SVBP: variants seen among roughly 807,000 people sequenced by gnomAD.
SVBP encodes small vasohibin binding protein, also known as small vasohibin-binding protein.
SVBP carries 9 observed loss-of-function variants against 9.2 expected under a neutral mutation model. That is an observed-to-expected ratio of 0.98 (90% CI 0.59 to 1.71). SVBP has a LOEUF of 1.71. Ranked by LOEUF, SVBP falls within the 40% of genes most tolerant of loss-of-function variation. The probability of loss-of-function intolerance (pLI) is 0.00; values close to 1 mark genes in which losing one functional copy is unlikely to be tolerated. For missense variants in SVBP, 63 were observed against 73.2 expected, an observed-to-expected ratio of 0.86 and a Z score of 0.51; for synonymous variants, 27 against 23.9, an observed-to-expected ratio of 1.13 and a Z score of -0.37.
intron 2 of SVBP, chr1:42,809,273 A>G (rs1037230041): frequency 3.3e-5 from 5 of 152,334 alleles, no homozygotes; most frequent in Admixed American, 2.6e-4. Context: ...TAGAGGAGCT[A>G]TAACTTGATT....
In SVBP at chr1:42,816,758, C is replaced by G. The variant is rs1199035157; in HGVS notation, c.-36-178G>C. Reference sequence around the variant, plus strand: ...ACCGAGTCCCAAGGCCACAACCTCGCTGGGTGTCCCTGGGCAAGTCTCCTC... The same window carrying G: ...ACCGAGTCCCAAGGCCACAACCTCGGTGGGTGTCCCTGGGCAAGTCTCCTC... On this transcript the variant is annotated intron_variant, in intron 1 of 2. Transcript: ENST00000372521. 8 of 516,222 alleles carry G rather than the reference C, an allele frequency of 1.5e-5. No homozygotes were observed. The East Asian group carries it at 2.4e-4, about 16-fold the overall frequency. The allele number at this position is 516,222 out of a possible 1,614,324, so 32.0% of individuals were successfully genotyped here. A position where few individuals can be genotyped will look rare whatever the true frequency, so the allele number is the denominator to read the frequency against.
Position 42,817,374 on chromosome 1 carries a change from G to A in SVBP, c.-221C>T, listed in dbSNP as rs920272276. ...GCCGAGCGCCAGGAGGCTTCCGCCC[G>A]CAGGAGCGGCCGCGCGTGCGCAGAG... On this transcript the variant is annotated 5_prime_UTR_variant, in exon 1 of 3. Coordinates refer to ENST00000372521, the MANE Select transcript of SVBP (RefSeq NM_199342.4). 1.2e-5 allele frequency: 7 copies of A among 560,450 alleles called. No individual in the cohort carries two copies. The highest frequency in any genetic ancestry group is 6.3e-5 in the Admixed American group (1 of 15,996). 34.7% of individuals were successfully genotyped at this position (560,450 alleles called of 1,614,324 possible).
At chr1:42,810,099 CACACACACACACACACATACATACAT>C (rs1441951921) in intron 2 of SVBP, among the ~76,000 whole-genome samples, 28 of 139,628 alleles carry the variant, frequency 2.0e-4, no homozygotes, top group Admixed American at 7.6e-4. Flanking sequence ...ACTTTTAACA[CACACACACACACACACATACATACAT>C]ACACACACAC....
rs756747970 is a variant in SVBP, at chr1:42,816,423, AAT to A, written c.114+6_114+7del. The A allele has an allele frequency of 6.3e-7, 1 of 1,586,492 alleles. No homozygotes were observed. The highest frequency in any genetic ancestry group is 1.7e-5 in the Admixed American group (1 of 59,914). On this transcript the variant is annotated splice_donor_region_variant and intron_variant, in intron 2 of 2. Transcript: ENST00000372521. The stretch of plus-strand genomic sequence containing the variant: ...TACAGGCATACAGAGCCTCCGCCTT[AAT>A]CTCACCTCTGCTCTTTGTCTCTGCT...
intron 2 of SVBP, among the ~76,000 whole-genome samples, chr1:42,810,095 AACACAC>A (rs35552772): frequency 1.5e-4 from 22 of 143,912 alleles, no homozygotes; most frequent in East Asian, 4.0e-4. Context: ...ATATACTTTT[AACACAC>A]ACACACACAC....
At position 42,817,344 on chromosome 1, in the gene SVBP, G is replaced by C. The variant is rs576779591; in HGVS notation, c.-191C>G. 4.9e-3 allele frequency: 4,245 copies of C among 857,662 alleles called. 16 individuals carry two copies. The highest frequency in any genetic ancestry group is 0.011 in the Middle Eastern group (32 of 2,970). 53.1% of individuals were successfully genotyped at this position (857,662 alleles called of 1,614,324 possible). A position where few individuals can be genotyped will look rare whatever the true frequency, so the allele number is the denominator to read the frequency against. ...GGGGCCGCGCGCCGGGGGGAGGGGC[G>C]CAGGGCCGAGCGCCAGGAGGCTTCC... On this transcript the variant is annotated 5_prime_UTR_variant, in exon 1 of 3. Transcript: ENST00000372521.
In SVBP at chr1:42,807,157, T is replaced by G. The variant is rs1653976146; in HGVS notation, c.*257A>C. The G allele has an allele frequency of 7.0e-6, 2 of 285,890 alleles. No individual in the cohort carries two copies. The highest frequency in any genetic ancestry group is 5.2e-5 in the Admixed American group (1 of 19,340). The allele number at this position is 285,890 out of a possible 1,614,324, so 17.7% of individuals were successfully genotyped here. A position where few individuals can be genotyped will look rare whatever the true frequency, so the allele number is the denominator to read the frequency against. On this transcript the variant is annotated 3_prime_UTR_variant, in exon 3 of 3. Coordinates refer to ENST00000372521, the MANE Select transcript of SVBP (RefSeq NM_199342.4). ...GAAAAAGTGTTTTTTGTGTGTGTTT[T>G]TTTTTTTTTTTTAAAAAAACCCAAA... is the stretch of plus-strand genomic sequence containing the variant.
At position 42,817,279 on chromosome 1, in the gene SVBP, T is replaced by C. The variant is rs1227636493; in HGVS notation, c.-126A>G. 4.1e-6 allele frequency: 5 copies of C among 1,228,964 alleles called. No homozygotes were observed. The highest frequency in any genetic ancestry group is 2.2e-4 in the Middle Eastern group (1 of 4,524). The allele number at this position is 1,228,964 out of a possible 1,614,324, so 76.1% of individuals were successfully genotyped here. ...GTAATCCTCGCCTTCCCCCGACCAC[T>C]GGACCCAGCGCTGCCTGCCCACCGC... On this transcript the variant is annotated 5_prime_UTR_variant, in exon 1 of 3. Transcript: ENST00000372521.
chr1:42,810,791 T>C (rs1439978326), intron 2 of SVBP, among the ~76,000 whole-genome samples: 1 of 152,144 alleles, frequency 6.6e-6, no homozygotes, highest in African/African-American at 2.4e-5. Context: ...GAATAGAAAC[T>C]GTCTCTTCCT....
At chr1:42,816,694 T>C (rs1654220141) in intron 1 of SVBP, 114 bp from the exon 2 acceptor site, 2 of 593,814 alleles carry the variant, frequency 3.4e-6, no homozygotes, top group East Asian at 6.1e-5. Flanking sequence ...TGAGGCAGAG[T>C]GGTCTGGTGG....
At chr1:42,808,397 A>T (rs958587045) in intron 2 of SVBP, among the ~76,000 whole-genome samples, 11 of 145,012 alleles carry the variant, frequency 7.6e-5, no homozygotes, top group Middle Eastern at 3.6e-3. Context: ...GGCTATATAT[A>T]GTATATAAGC....
Position 42,817,176 on chromosome 1 carries a change from T to G in SVBP, c.-37+14A>C. On this transcript the variant is annotated intron_variant, in intron 1 of 2. Coordinates refer to ENST00000372521, the MANE Select transcript of SVBP (RefSeq NM_199342.4). ...TCGCTGGAGCCGCCGACCAAGAGGC[T>G]TGGGAGTCTGTACCTTTCCCGACCG... 8.1e-7 allele frequency: 1 copy of G among 1,238,148 alleles called. No individual in the cohort carries two copies. The highest frequency in any genetic ancestry group is 1.3e-5 in the South Asian group (1 of 75,586). 76.7% of individuals were successfully genotyped at this position (1,238,148 alleles called of 1,614,324 possible).
chr1:42,817,165 G>T lies in SVBP; in HGVS notation c.-37+25C>A, dbSNP rs546105694. 3.3e-6 allele frequency: 4 copies of T among 1,205,546 alleles called. No individual in the cohort carries two copies. In the African/African-American group the frequency reaches 4.9e-5, roughly 15 times the overall value. The allele number at this position is 1,205,546 out of a possible 1,614,324, so 74.7% of individuals were successfully genotyped here. On this transcript the variant is annotated intron_variant, in intron 1 of 2. Transcript: ENST00000372521. ...GAAAATGGCGGTCGCTGGAGCCGCC[G>T]ACCAAGAGGCTTGGGAGTCTGTACC...
chr1:42,810,437 T>C lies in SVBP; in HGVS notation c.115-2937A>G, dbSNP rs185188652. Among the ~76,000 whole-genome samples the C allele has an allele frequency of 2.0e-4, 31 of 152,254 alleles. No individual in the cohort carries two copies. In the East Asian group the frequency reaches 4.4e-3, roughly 22 times the overall value. Reference sequence around the variant, plus strand: ...CTGGGATTACAGGTGTGAGCCACTGTGCCCGGGCCCACATATATACATATA... The same window carrying C: ...CTGGGATTACAGGTGTGAGCCACTGCGCCCGGGCCCACATATATACATATA... On this transcript the variant is annotated intron_variant, in intron 2 of 2. Coordinates refer to ENST00000372521, the MANE Select transcript of SVBP (RefSeq NM_199342.4).
rs1290489287 is a variant in SVBP, at chr1:42,807,101, C to T, written c.*313G>A. ...TATTTTTGGAGAAGATATAGAGTTT[C>T]ATGAGAAACACTGATTTTTCTCAAA... On this transcript the variant is annotated 3_prime_UTR_variant, in exon 3 of 3. Coordinates refer to ENST00000372521, the MANE Select transcript of SVBP (RefSeq NM_199342.4). 1 of 210,346 alleles carries T rather than the reference C, an allele frequency of 4.8e-6. No individual in the cohort carries two copies. Among genetic ancestry groups the T allele is most frequent in the Admixed American group, 5.8e-5 (1 of 17,236 alleles). 13.0% of individuals were successfully genotyped at this position (210,346 alleles called of 1,614,324 possible). A position where few individuals can be genotyped will look rare whatever the true frequency, so the allele number is the denominator to read the frequency against.
At position 42,817,174 on chromosome 1, in the gene SVBP, G is replaced by A; in HGVS notation, c.-37+16C>T. The A allele has an allele frequency of 1.6e-6, 2 of 1,238,346 alleles. No individual in the cohort carries two copies. Among genetic ancestry groups the A allele is most frequent in the Non-Finnish European group, 2.1e-6 (2 of 964,368 alleles). 76.7% of individuals were successfully genotyped at this position (1,238,346 alleles called of 1,614,324 possible). On this transcript the variant is annotated intron_variant, in intron 1 of 2. Transcript: ENST00000372521. ...GGTCGCTGGAGCCGCCGACCAAGAG[G>A]CTTGGGAGTCTGTACCTTTCCCGAC...
At chr1:42,817,058 CCGCCCGG>C in intron 1 of SVBP, 125 bp downstream of exon 1, 3 of 173,020 alleles carry the variant, frequency 1.7e-5, no homozygotes, top group Non-Finnish European at 3.4e-5. Context: ...CCGCCCCCCA[CCGCCCGG>C]CCCCCCGACC....
rs1432883985 is a variant in SVBP at position 42,807,443 on chromosome 1, A to C, written c.172T>G (p.Cys58Gly). 2 of 1,614,120 alleles carry C rather than the reference A, an allele frequency of 1.2e-6. No individual in the cohort carries two copies. The highest frequency in any genetic ancestry group is 1.7e-6 in the Non-Finnish European group (2 of 1,179,954). Reference protein sequence around the residue: ...ELEQQQFDEFCKQMQPPGE With the variant: ...ELEQQQFDEFGKQMQPPGE ...TCTCCAGGAGGCTGCATCTGTTTAC[A>C]GAACTCATCAAACTGCTGCTGCTCC... is the stretch of plus-strand genomic sequence containing the variant. Residue 58 changes from cysteine (C) to glycine (G), a missense_variant, in exon 3 of 3, where the codon TGT becomes GGT. Transcript: ENST00000372521.
chr1:42,810,430 G>A (rs1159357911), intron 2 of SVBP, among the ~76,000 whole-genome samples: 2 of 152,124 alleles, frequency 1.3e-5, no homozygotes, highest in African/African-American at 4.8e-5. Context: ...ACAGGTGTGA[G>A]CCACTGTGCC....
Sources: allele counts gnomAD v4.1 joint callset (sites outside exome capture counted in the v4.1 genomes callset), GRCh38; gene constraint gnomAD v4.1.1; transcripts MANE v1.5; gene names NCBI Gene and HGNC (gene_info 2026-07-23, HGNC 2026-07-21).